Variants in EML6 observed in about 807,000 individuals in gnomAD.
EML6 encodes the protein EMAP like 6.
EML6 carries 154 observed loss-of-function variants against 240.1 expected under a neutral mutation model. The observed-to-expected ratio is 0.64, with a 90% confidence interval of 0.56 to 0.73. The LOEUF is 0.73. Ranked by LOEUF, EML6 falls within the 30% of genes least tolerant of loss-of-function variation. The pLI is 0.00. For missense variants in EML6, 2,964 were observed against 2,474.6 expected (o/e 1.20, Z -4.20); for synonymous variants, 1,148 against 899.0 (o/e 1.28, Z -4.95).
At chr2:54,945,841 C>T (rs976996139) in intron 28 of EML6, among the ~76,000 whole-genome samples, 1 of 152,234 alleles carries the variant, frequency 6.6e-6, no homozygotes, top group Non-Finnish European at 1.5e-5. Context: ...TAAGCTTTCT[C>T]TTCAGCAGCC....
intron 2 of EML6, chr2:54,747,017 A>G (rs1003554574): frequency 6.6e-6 from 1 of 152,232 alleles, no homozygotes; most frequent in Non-Finnish European, 1.5e-5. Flanking sequence ...AGACTGCAGT[A>G]TGAGCGCTGT....
chr2:54,941,546 C>T (rs1439731468), intron 28 of EML6, among the ~76,000 whole-genome samples: 1 of 152,250 alleles, frequency 6.6e-6, no homozygotes, highest in East Asian at 1.9e-4. Flanking sequence ...TAAGCTAATG[C>T]TGCTGGATTT....
intron 21 of EML6, among the ~76,000 whole-genome samples, chr2:54,896,809 C>A (rs1394374924): frequency 6.6e-6 from 1 of 152,150 alleles, no homozygotes; most frequent in Non-Finnish European, 1.5e-5. Context: ...CACTATGGCT[C>A]AGGACACTGC....
intron 28 of EML6, among the ~76,000 whole-genome samples, chr2:54,932,577 T>C (rs1674920370): frequency 6.6e-6 from 1 of 152,214 alleles, no homozygotes; most frequent in East Asian, 1.9e-4. Flanking sequence ...ATGTACTCTT[T>C]TGTCCATCTA....
chr2:54,934,332 C>T (rs1363759600), intron 28 of EML6, among the ~76,000 whole-genome samples: 1 of 152,104 alleles, frequency 6.6e-6, no homozygotes, highest in African/African-American at 2.4e-5. Context: ...TCCTCCCGCC[C>T]TCCCATGAGC....
In EML6 at chr2:54,904,041, T is replaced by C. The variant is rs1395420891; in HGVS notation, c.3409+539T>C. 5.9e-5 allele frequency among the ~76,000 whole-genome samples: 9 copies of C among 152,218 alleles called. No individual in the cohort carries two copies. In the East Asian group the frequency reaches 1.5e-3, roughly 26 times the overall value. On this transcript the variant is annotated intron_variant, in intron 24 of 41. Transcript: ENST00000356458. Reference sequence around the variant, plus strand: ...CAAATGCCATGAGGATTTGTCTATTTAATAACTCTAGCTTTTATGGTGTTG... The same window carrying C: ...CAAATGCCATGAGGATTTGTCTATTCAATAACTCTAGCTTTTATGGTGTTG...
At chr2:54,926,891 T>C (rs1674577308) in intron 26 of EML6, among the ~76,000 whole-genome samples, 1 of 152,204 alleles carries the variant, frequency 6.6e-6, no homozygotes, top group Non-Finnish European at 1.5e-5. Context: ...CTAGAAACCC[T>C]GTGTCCCTCT....
At chr2:54,935,593 A>G (rs901048795) in intron 28 of EML6, among the ~76,000 whole-genome samples, 6 of 152,260 alleles carry the variant, frequency 3.9e-5, no homozygotes, top group Non-Finnish European at 5.9e-5. Context: ...CACAGTTTTT[A>G]TACCACCATC....
intron 2 of EML6, among the ~76,000 whole-genome samples, chr2:54,799,534 C>CG (rs1174445390): frequency 4.8e-4 from 73 of 152,074 alleles, no homozygotes; most frequent in Middle Eastern, 6.8e-3. Context: ...TTAGTAGAGA[C>CG]AGGTTTCACC....
intron 2 of EML6, among the ~76,000 whole-genome samples, chr2:54,770,668 G>T (rs1033774215): frequency 9.2e-5 from 14 of 152,090 alleles, no homozygotes; most frequent in African/African-American, 3.4e-4. Flanking sequence ...TTTTGTTTAT[G>T]CCATTTATGA....
chr2:54,733,257 G>A (rs746964007), intron 2 of EML6, among the ~76,000 whole-genome samples: 2 of 152,182 alleles, frequency 1.3e-5, no homozygotes, highest in African/African-American at 4.8e-5. Context: ...TTATTTTAAG[G>A]CATGAGCCTT....
chr2:54,951,462 T>C (rs1356118250), intron 30 of EML6, among the ~76,000 whole-genome samples: 1 of 152,014 alleles, frequency 6.6e-6, no homozygotes, highest in Non-Finnish European at 1.5e-5. Context: ...TTGAGGTTGC[T>C]TGAACCTGGG....
At chr2:54,806,921 C>G (rs1192707170) in intron 2 of EML6, among the ~76,000 whole-genome samples, 1 of 152,012 alleles carries the variant, frequency 6.6e-6, no homozygotes, top group Non-Finnish European at 1.5e-5. Flanking sequence ...GTAGAGGAGA[C>G]AGGTTTCAGT....
intron 2 of EML6, among the ~76,000 whole-genome samples, chr2:54,804,204 T>G (rs1410318180): frequency 6.6e-6 from 1 of 152,250 alleles, no homozygotes; most frequent in Non-Finnish European, 1.5e-5. Flanking sequence ...TAATGACTTC[T>G]CTAAAGTATT....
intron 28 of EML6, among the ~76,000 whole-genome samples, chr2:54,936,873 A>C (rs1195574935): frequency 1.3e-5 from 2 of 152,122 alleles, no homozygotes; most frequent in African/African-American, 4.8e-5. Context: ...CAAAATTCCA[A>C]ACTCACCTAA....
intron 5 of EML6, among the ~76,000 whole-genome samples, chr2:54,822,408 G>A (rs1232878583): frequency 6.6e-6 from 1 of 152,144 alleles, no homozygotes; most frequent in African/African-American, 2.4e-5. Context: ...CAAATTGTTA[G>A]AAGTATGAAC....
chr2:54,794,889 T>C (rs1022847576), intron 2 of EML6, among the ~76,000 whole-genome samples: 57 of 152,190 alleles, frequency 3.7e-4, no homozygotes, highest in African/African-American at 1.3e-3. Context: ...CCAGCCCTCA[T>C]CTGTATGATG....
At chr2:54,738,186 C>T (rs771238048) in intron 2 of EML6, among the ~76,000 whole-genome samples, 1 of 151,940 alleles carries the variant, frequency 6.6e-6, no homozygotes, top group Non-Finnish European at 1.5e-5. Flanking sequence ...AGGGCTGTTT[C>T]ATTCACTGCT....
At chr2:54,899,839 ATATT>A in intron 22 of EML6, 57 bp downstream of exon 22, 3 of 1,476,332 alleles carry the variant, frequency 2.0e-6, no homozygotes, top group Non-Finnish European at 9.1e-7. Flanking sequence ...AGAATGTGTC[ATATT>A]TATTCACTCA....
Sources: allele counts gnomAD v4.1 joint callset (sites outside exome capture counted in the v4.1 genomes callset), GRCh38; gene constraint gnomAD v4.1.1; transcripts MANE v1.5; gene names NCBI Gene and HGNC (gene_info 2026-07-23, HGNC 2026-07-21).